The following KDM1A variants were observed in gnomAD, a reference collection of about 807,000 sequenced individuals.
KDM1A encodes the protein lysine demethylase 1A.
In KDM1A, 49 loss-of-function variants were observed where a neutral mutation model predicts 109.4. The ratio of observed to expected loss-of-function variants is 0.45; its 90% CI spans 0.36 to 0.57. The LOEUF (loss-of-function observed/expected upper bound fraction) is 0.57, where lower values mean the gene tolerates loss of function less well. Ranked by LOEUF, KDM1A falls within the 20% of genes least tolerant of loss-of-function variation. The pLI is 0.00. For missense variants in KDM1A, 668 were observed against 1,116.6 expected, an observed-to-expected ratio of 0.60 and a Z score of 5.73; for synonymous variants, 380 against 415.4, an observed-to-expected ratio of 0.91 and a Z score of 1.04.
chr1:23,028,578 G>A (rs769425464), intron 1 of KDM1A, among the ~76,000 whole-genome samples: 5 of 152,304 alleles, frequency 3.3e-5, no homozygotes, highest in Non-Finnish European at 7.4e-5. Context: ...GATTGATGGG[G>A]CAGAGGATCA....
chr1:23,054,715 C>T (rs1268231690), intron 5 of KDM1A, among the ~76,000 whole-genome samples: 2 of 152,158 alleles, frequency 1.3e-5, no homozygotes, highest in African/African-American at 2.4e-5. Flanking sequence ...TAGCTAGGAA[C>T]TCCTGGGCTC....
rs1007877824 is a variant in KDM1A, at chr1:23,019,521, C to T, written c.-76C>T. 6.8e-6 allele frequency: 9 copies of T among 1,313,976 alleles called. No individual in the cohort carries two copies. In the East Asian group the frequency reaches 8.6e-5, roughly 13 times the overall value. The allele number at this position is 1,313,976 out of a possible 1,614,324, so 81.4% of individuals were successfully genotyped here. A position where few individuals can be genotyped will look rare whatever the true frequency, so the allele number is the denominator to read the frequency against. ...GGCGCGCGGGCAGCGTGAAGCGAGG[C>T]GAGGCAAGGCTTTTCGGACCCACGG... On this transcript the variant is annotated 5_prime_UTR_variant, in exon 1 of 21. Coordinates refer to ENST00000400181, the MANE Select transcript of KDM1A (RefSeq NM_001009999.3).
intron 20 of KDM1A, 36 bp from the exon 21 acceptor site, chr1:23,083,143 G>A: frequency 6.3e-7 from 1 of 1,586,644 alleles, no homozygotes; most frequent in South Asian, 1.1e-5. Context: ...AGGTATATGT[G>A]CAGCCTGCCA....
chr1:23,044,749 T>C (rs1642453400), intron 3 of KDM1A, among the ~76,000 whole-genome samples: 1 of 152,188 alleles, frequency 6.6e-6, no homozygotes, highest in African/African-American at 2.4e-5. Flanking sequence ...CCAGCAGCCT[T>C]TCTATTAATA....
chr1:23,069,435 A>G (rs1469630323), intron 12 of KDM1A, among the ~76,000 whole-genome samples: 3 of 152,170 alleles, frequency 2.0e-5, no homozygotes, highest in Non-Finnish European at 4.4e-5. Context: ...CCTCAGTCAC[A>G]TTGGAAGAAG....
intron 2 of KDM1A, among the ~76,000 whole-genome samples, chr1:23,043,488 A>G (rs1642412179): frequency 6.6e-6 from 1 of 152,226 alleles, no homozygotes; most frequent in African/African-American, 2.4e-5. Context: ...GTATTTTAAA[A>G]TAAACTTTAA....
rs891867505 is a variant in KDM1A, at chr1:23,026,753, T to G, written c.352-3716T>G. ...AGTGAATGAATCATTGTAATAAGGGTGGGGAGGAGAAGGAAGAGACTAAAG... is the reference window on the plus strand; with the variant it reads ...AGTGAATGAATCATTGTAATAAGGGGGGGGAGGAGAAGGAAGAGACTAAAG... On this transcript the variant is annotated intron_variant, in intron 1 of 20. Transcript: ENST00000400181. Among the ~76,000 whole-genome samples the G allele has an allele frequency of 6.6e-5, 10 of 151,966 alleles. No homozygotes were observed. The South Asian group carries it at 1.5e-3, about 22-fold the overall frequency.
intron 2 of KDM1A, among the ~76,000 whole-genome samples, chr1:23,031,877 T>C (rs1641992595): frequency 6.6e-6 from 1 of 152,228 alleles, no homozygotes. Flanking sequence ...GGGCAACTCC[T>C]TGTTTGAAGG....
At chr1:23,071,814 C>T (rs151184777) in intron 13 of KDM1A, among the ~76,000 whole-genome samples, 2 of 152,302 alleles carry the variant, frequency 1.3e-5, no homozygotes, top group East Asian at 1.9e-4. Flanking sequence ...GTGCCAGGGA[C>T]ATGGCATGCT....
At chr1:23,065,363 A>T (rs1241534243) in intron 9 of KDM1A, among the ~76,000 whole-genome samples, 2 of 152,208 alleles carry the variant, frequency 1.3e-5, no homozygotes, top group Non-Finnish European at 2.9e-5. Context: ...TTTAGAAATG[A>T]TCCTGTTTTA....
chr1:23,044,185 C>T, intron 2 of KDM1A: 1 of 424,258 alleles, frequency 2.4e-6, no homozygotes, highest in Non-Finnish European at 4.4e-6. Flanking sequence ...ATTAGAAATA[C>T]TATGTACTTT....
In KDM1A at chr1:23,083,332, G is replaced by A; in HGVS notation, c.2599G>A (p.Gly867Ser). ...TACGCTGCCTCGCCAGGCCACACCA[G>A]GTGTTCCTGCACAGCAGTCCCCAAG... ...MYTLPRQATP[G>S]VPAQQSPSM The change falls in exon 21 of 21, where the codon GGT becomes AGT. Residue 867 changes from glycine to serine, a missense_variant. Physicochemically the swap from Gly to Ser is moderately conservative, Grantham distance 56. This residue lies in a region of KDM1A where 69 missense variants were observed against 99.6 expected (regional missense o/e 0.69). Transcript: ENST00000400181. 1.2e-6 allele frequency: 2 copies of A among 1,613,750 alleles called. No individual in the cohort carries two copies. The highest frequency in any genetic ancestry group is 2.2e-5 in the South Asian group (2 of 91,050).
chr1:23,075,321 C>T (rs575760779), intron 15 of KDM1A, among the ~76,000 whole-genome samples: 16 of 152,138 alleles, frequency 1.1e-4, no homozygotes, highest in Middle Eastern at 3.2e-3. Context: ...CGGTGGCTCA[C>T]GCCTTTTTAA....
intron 1 of KDM1A, among the ~76,000 whole-genome samples, chr1:23,028,612 G>A (rs1302490219): frequency 1.3e-5 from 2 of 152,172 alleles, no homozygotes; most frequent in Admixed American, 1.3e-4. Context: ...TTGGGGAAGA[G>A]TCAAGCACTA....
At chr1:23,062,688 G>T (rs1262741349) in intron 9 of KDM1A, among the ~76,000 whole-genome samples, 3 of 152,130 alleles carry the variant, frequency 2.0e-5, no homozygotes, top group Non-Finnish European at 4.4e-5. Flanking sequence ...TCCTACATTT[G>T]TAGCTAGTAT....
At chr1:23,044,593 C>T (rs1642448505) in intron 3 of KDM1A, 107 bp downstream of exon 3, 1 of 922,934 alleles carries the variant, frequency 1.1e-6, no homozygotes, top group Non-Finnish European at 1.6e-6. Context: ...GCCAGAAGCG[C>T]AGGTGAAATT....
chr1:23,063,854 G>A (rs1160740834), intron 9 of KDM1A, among the ~76,000 whole-genome samples: 4 of 152,156 alleles, frequency 2.6e-5, no homozygotes, highest in African/African-American at 9.7e-5. Flanking sequence ...TGGGGTGGGA[G>A]TGGGGGGAAG....
chr1:23,066,908 C>T (rs1643175623), intron 10 of KDM1A, among the ~76,000 whole-genome samples: 3 of 152,220 alleles, frequency 2.0e-5, no homozygotes, highest in Admixed American at 2.0e-4. Flanking sequence ...ATGACCATCA[C>T]ATATCACATC....
intron 15 of KDM1A, among the ~76,000 whole-genome samples, chr1:23,076,230 G>A (rs914012350): frequency 5.3e-5 from 8 of 152,078 alleles, no homozygotes; most frequent in African/African-American, 1.9e-4. Flanking sequence ...AGAATTTCAT[G>A]AAATTAGAAA....
Sources: allele counts gnomAD v4.1 joint callset (sites outside exome capture counted in the v4.1 genomes callset), GRCh38; gene constraint gnomAD v4.1.1; regional missense constraint gnomAD v4.1.1; transcripts MANE v1.5; gene names NCBI Gene and HGNC (gene_info 2026-07-23, HGNC 2026-07-21).